IL1RAPL1: variants seen among roughly 807,000 people sequenced by gnomAD.
IL1RAPL1 encodes the protein interleukin-1 receptor accessory protein-like 1.
A neutral mutation model predicts 48.4 loss-of-function variants in IL1RAPL1; 3 were observed. That is an observed-to-expected ratio of 0.06 (90% CI 0.03 to 0.16). IL1RAPL1 has a LOEUF of 0.16. Among genes scored for constraint, IL1RAPL1 ranks in the 10% least tolerant of loss-of-function variants. The probability of loss-of-function intolerance (pLI) is 1.00; values close to 1 mark genes in which losing one functional copy is unlikely to be tolerated. For synonymous variants in IL1RAPL1, 185 were observed against 187.7 expected, an observed-to-expected ratio of 0.99 and a Z score of 0.12; for missense variants, 349 against 530.6, an observed-to-expected ratio of 0.66 and a Z score of 3.36.
chrX:29,679,424 TTGAC>T (rs1344312001), intron 6 of IL1RAPL1, among the ~76,000 whole-genome samples: 1 of 111,888 alleles, frequency 8.9e-6, no homozygotes, highest in African/African-American at 3.2e-5. Flanking sequence ...GTACCTGTTT[TTGAC>T]TGAAATATTT....
At chrX:29,425,747 T>A (rs1934343293) in intron 5 of IL1RAPL1, among the ~76,000 whole-genome samples, 1 of 107,960 alleles carries the variant, frequency 9.3e-6, no homozygotes, top group African/African-American at 3.4e-5. Flanking sequence ...AATCAGCTAT[T>A]TTTTTTTTGT....
At chrX:29,316,934 C>G (rs1820128637) in intron 3 of IL1RAPL1, among the ~76,000 whole-genome samples, 1 of 110,787 alleles carries the variant, frequency 9.0e-6, no homozygotes, top group South Asian at 3.9e-4. Context: ...TCAGTTGTGC[C>G]TAAACTCCAA....
intron 2 of IL1RAPL1, among the ~76,000 whole-genome samples, chrX:28,899,708 T>C (rs1923025596): frequency 9.0e-6 from 1 of 111,422 alleles, no homozygotes; most frequent in African/African-American, 3.3e-5. Context: ...GATGAGCCAA[T>C]TGGCTACCTT....
chrX:29,403,344 G>GGTGTGT (rs746681320), intron 5 of IL1RAPL1, among the ~76,000 whole-genome samples: 4 of 107,252 alleles, frequency 3.7e-5, no homozygotes, highest in African/African-American at 1.3e-4. Flanking sequence ...CTTATATTGG[G>GGTGTGT]GTGTGTGTGT....
At chrX:29,854,688 C>T (rs1179758433) in intron 6 of IL1RAPL1, among the ~76,000 whole-genome samples, 1 of 111,256 alleles carries the variant, frequency 9.0e-6, no homozygotes, top group Non-Finnish European at 1.9e-5. Context: ...ATTAATAATA[C>T]TTTCCTGGTT....
chrX:29,320,573 G>A (rs1271022967), intron 3 of IL1RAPL1, among the ~76,000 whole-genome samples: 3 of 111,044 alleles, frequency 2.7e-5, no homozygotes, highest in Non-Finnish European at 3.8e-5. Context: ...TCAGGAGTTC[G>A]AGACCAGCCT....
chrX:28,748,287 G>A (rs1213087047), intron 1 of IL1RAPL1, among the ~76,000 whole-genome samples: 1 of 111,816 alleles, frequency 8.9e-6, no homozygotes. Context: ...AAAAAACATA[G>A]GGAAGAATGA....
intron 3 of IL1RAPL1, among the ~76,000 whole-genome samples, chrX:29,373,766 G>T (rs1432294293): frequency 9.2e-6 from 1 of 108,449 alleles, no homozygotes; most frequent in Non-Finnish European, 1.9e-5. Flanking sequence ...TGCATCCCAG[G>T]AACAAAGCCA....
intron 2 of IL1RAPL1, among the ~76,000 whole-genome samples, chrX:29,261,633 A>G (rs191155464): frequency 1.8e-5 from 2 of 111,186 alleles, no homozygotes; most frequent in African/African-American, 6.5e-5. Flanking sequence ...CCTTTTTAAA[A>G]AAATATAATC....
intron 6 of IL1RAPL1, among the ~76,000 whole-genome samples, chrX:29,741,934 AG>A (rs1194932440): frequency 1.7e-4 from 17 of 98,642 alleles, no homozygotes; most frequent in South Asian, 4.5e-4. Context: ...AAAAAAAAAA[AG>A]AAAAAAAAAA....
intron 5 of IL1RAPL1, among the ~76,000 whole-genome samples, chrX:29,524,075 A>G (rs1408199562): frequency 1.8e-5 from 2 of 110,290 alleles, no homozygotes; most frequent in Non-Finnish European, 3.8e-5. Context: ...TATATAATCT[A>G]TTGCAACAAT....
At chrX:29,494,190 C>T (rs144718079) in intron 5 of IL1RAPL1, among the ~76,000 whole-genome samples, 8 of 111,824 alleles carry the variant, frequency 7.2e-5, no homozygotes, top group Non-Finnish European at 1.3e-4. Flanking sequence ...CGTAAGCCAC[C>T]GCGTCCGGCT....
intron 6 of IL1RAPL1, among the ~76,000 whole-genome samples, chrX:29,752,076 G>GTGTATA (rs1391674592): frequency 3.4e-5 from 3 of 89,483 alleles, no homozygotes; most frequent in Non-Finnish European, 6.4e-5. Flanking sequence ...ATATATGTGT[G>GTGTATA]TATGTATATA....
rs559145882 is a variant in IL1RAPL1, at chrX:28,680,768, G to A, written c.-25+92721G>A. On this transcript the variant is annotated intron_variant, in intron 1 of 10. Transcript: ENST00000378993. ...GTTAATGTGGTATATCACATTGATC[G>A]ATATGTTGAATCATCCTTGAATCTA... Among the ~76,000 whole-genome samples, 28 of 111,676 alleles carry A rather than the reference G, an allele frequency of 2.5e-4. No homozygotes were observed. In the South Asian group the frequency reaches 7.7e-3, roughly 31 times the overall value.
At chrX:29,102,434 A>C (rs932273644) in intron 2 of IL1RAPL1, among the ~76,000 whole-genome samples, 4 of 111,916 alleles carry the variant, frequency 3.6e-5, no homozygotes, top group Non-Finnish European at 5.6e-5. Context: ...TGGGAGGCTG[A>C]GGCGGGCGGA....
At chrX:29,504,911 G>A (rs112706584) in intron 5 of IL1RAPL1, among the ~76,000 whole-genome samples, 1 of 102,251 alleles carries the variant, frequency 9.8e-6, no homozygotes, top group South Asian at 4.2e-4. Flanking sequence ...ACTCCTCTCT[G>A]TTCCTTTCCT....
chrX:28,779,973 GAATA>G (rs1936403723), intron 1 of IL1RAPL1, among the ~76,000 whole-genome samples: 1 of 109,280 alleles, frequency 9.2e-6, no homozygotes, highest in African/African-American at 3.3e-5. Context: ...TGCAATAAAG[GAATA>G]TTGAACTCAA....
intron 5 of IL1RAPL1, among the ~76,000 whole-genome samples, chrX:29,450,850 C>T (rs1934670463): frequency 9.0e-6 from 1 of 111,150 alleles, no homozygotes; most frequent in African/African-American, 3.3e-5. Flanking sequence ...TAAAATAGAT[C>T]CTAAATTTTG....
intron 6 of IL1RAPL1, among the ~76,000 whole-genome samples, chrX:29,706,125 A>C (rs1208496188): frequency 9.0e-6 from 1 of 111,416 alleles, no homozygotes; most frequent in Non-Finnish European, 1.9e-5. Context: ...AGACCCATTC[A>C]GTATCACGAG....
Sources: gnomAD v4.1 joint callset for allele counts (sites outside exome capture counted in the v4.1 genomes callset) on GRCh38, gnomAD v4.1.1 for gene constraint, MANE v1.5 for transcripts, NCBI Gene and HGNC (gene_info 2026-07-23, HGNC 2026-07-21) for gene names.